Variants in EFCAB5 observed in about 807,000 individuals in gnomAD.
EFCAB5 encodes the protein EF-hand calcium-binding domain-containing protein 5.
Under a neutral mutation model 167.9 loss-of-function variants are expected in EFCAB5, and 131 were observed. The ratio of observed to expected loss-of-function variants is 0.78; its 90% CI spans 0.68 to 0.90. EFCAB5 has a LOEUF of 0.90. EFCAB5 is among the 40% of genes least tolerant of loss of function. The probability of loss-of-function intolerance (pLI) is 0.00; values close to 1 mark genes in which losing one functional copy is unlikely to be tolerated. For synonymous variants in EFCAB5, 574 were observed against 602.8 expected (o/e 0.95, Z 0.70); for missense variants, 1,663 against 1,745.2 (o/e 0.95, Z 0.84).
Position 30,059,551 on chromosome 17 carries a change from C to A in EFCAB5, c.2587C>A (p.Gln863Lys). The A allele has an allele frequency of 6.2e-7, 1 of 1,603,358 alleles. No homozygotes were observed. The highest frequency in any genetic ancestry group is 8.5e-7 in the Non-Finnish European group (1 of 1,174,448). ...TATCCTGTTTGTATCCTAGTTTAGC[C>A]AAAATGCTTTCCAAGTCCGACAGAG... Reference protein sequence around the residue: ...EKMNALEQFSQNAFQVRQRLL... With the variant: ...EKMNALEQFSKNAFQVRQRLL... The change falls in exon 14 of 23, where the codon CAA becomes AAA. Residue 863 changes from glutamine to lysine, a missense_variant. Transcript: ENST00000394835.
chr17:29,973,480 C>CTT (rs35478169), intron 4 of EFCAB5, among the ~76,000 whole-genome samples: 84 of 135,548 alleles, frequency 6.2e-4, no homozygotes, highest in East Asian at 8.3e-4. Flanking sequence ...TTCCTTTTTC[C>CTT]TTTTTTTTTT....
At chr17:29,930,114 G>T in intron 1 of EFCAB5, 1 of 927,450 alleles carries the variant, frequency 1.1e-6, no homozygotes, top group Non-Finnish European at 1.6e-6. Context: ...AAGGGAACGG[G>T]GAGGAGGAGG....
chr17:29,993,381 C>A, intron 5 of EFCAB5, 60 bp downstream of exon 5: 1 of 1,541,172 alleles, frequency 6.5e-7, no homozygotes, highest in Non-Finnish European at 8.8e-7. Flanking sequence ...AGGGCAATTG[C>A]TAGAATACTG....
At chr17:29,993,578 A>G (rs1276602860) in intron 5 of EFCAB5, among the ~76,000 whole-genome samples, 1 of 151,818 alleles carries the variant, frequency 6.6e-6, no homozygotes, top group Non-Finnish European at 1.5e-5. Flanking sequence ...ATAAACCAAC[A>G]TATATTTCAT....
rs867280355 is a variant in EFCAB5 at position 30,053,635 on chromosome 17, A to G, written c.1681A>G (p.Arg561Gly). 1 of 1,613,882 alleles carries G rather than the reference A, an allele frequency of 6.2e-7. No homozygotes were observed. Among genetic ancestry groups the G allele is most frequent in the East Asian group, 2.2e-5 (1 of 44,886 alleles). ...AACTCTAGAACAAGGGTCAAGTAGAAGGTTACTGACAGAACAAGAAACACA... is the reference window on the plus strand; with the variant it reads ...AACTCTAGAACAAGGGTCAAGTAGAGGGTTACTGACAGAACAAGAAACACA... ...ESTLEQGSSRRLLTEQETHRE... is the reference protein window; with the variant it reads ...ESTLEQGSSRGLLTEQETHRE... The change falls in exon 10 of 23, where the codon AGG becomes GGG. Residue 561 changes from arginine to glycine, a missense_variant. Physicochemically the swap from Arg to Gly is moderately radical, Grantham distance 125 (BLOSUM62 -2). Transcript: ENST00000394835.
chr17:30,069,999 G>A (rs1344553452), intron 14 of EFCAB5, among the ~76,000 whole-genome samples: 1 of 152,146 alleles, frequency 6.6e-6, no homozygotes, highest in African/African-American at 2.4e-5. Context: ...GGCACAGCAG[G>A]CCTCCAGAGC....
At chr17:30,089,462 AATG>A (rs1217620565) in intron 19 of EFCAB5, among the ~76,000 whole-genome samples, 1 of 152,170 alleles carries the variant, frequency 6.6e-6, no homozygotes, top group Non-Finnish European at 1.5e-5. Flanking sequence ...ACCTTAAAGA[AATG>A]GCATATCAGA....
intron 22 of EFCAB5, among the ~76,000 whole-genome samples, chr17:30,105,931 C>T (rs571362654): frequency 6.6e-6 from 1 of 152,242 alleles, no homozygotes; most frequent in African/African-American, 2.4e-5. Flanking sequence ...ACGTGCCATT[C>T]CTATCCCATA....
At chr17:30,092,201 C>A in intron 21 of EFCAB5, 44 bp downstream of exon 21, 1 of 1,552,030 alleles carries the variant, frequency 6.4e-7, no homozygotes, top group Non-Finnish European at 8.7e-7. Flanking sequence ...GAAGAATCGC[C>A]TAAACAAATT....
Position 29,968,963 on chromosome 17 carries a change from A to C in EFCAB5, c.363A>C (p.Arg121Ser). 6.3e-7 allele frequency: 1 copy of C among 1,590,650 alleles called. No homozygotes were observed. The highest frequency in any genetic ancestry group is 1.3e-5 in the African/African-American group (1 of 74,474). The change falls in exon 4 of 23, where the codon AGA becomes AGC. Residue 121 changes from arginine to serine, a missense_variant. By Grantham distance (110) the Arg-to-Ser change is moderately radical. Transcript: ENST00000394835. ...EHTWKKNLFE[R>S]MEARAQAMQQ... ...CATGGAAGAAAAACCTTTTTGAAAG[A>C]ATGGAGGCAAGAGCCCAAGCAATGC...
At chr17:29,961,266 G>T (rs2067714711) in intron 3 of EFCAB5, among the ~76,000 whole-genome samples, 1 of 152,104 alleles carries the variant, frequency 6.6e-6, no homozygotes, top group South Asian at 2.1e-4. Context: ...TTTCTTAGGA[G>T]AAATGTCTGT....
Position 30,080,965 on chromosome 17 carries a change from A to G in EFCAB5, c.3410A>G (p.Glu1137Gly). Residue 1137 changes from glutamate to glycine, a missense_variant, in exon 17 of 23, where the codon GAG (glutamate) becomes GGG (glycine). Coordinates refer to ENST00000394835, the MANE Select transcript of EFCAB5 (RefSeq NM_198529.4). The stretch of plus-strand genomic sequence containing the variant: ...GAAATAAACATCTTTCTACCTCATG[A>G]GATCAGATTCTATCAGGTAAGTCAT... ...PHEINIFLPH[E>G]IRFYQGVANV... 1 of 1,612,584 alleles carries G rather than the reference A, an allele frequency of 6.2e-7. No individual in the cohort carries two copies. The highest frequency in any genetic ancestry group is 1.7e-5 in the Admixed American group (1 of 60,018).
Position 30,082,948 on chromosome 17 carries a change from C to G in EFCAB5, c.3484C>G (p.Leu1162Val), listed in dbSNP as rs753498450. ...YHYVHSREHILHIVITGIGWL... is the reference protein window; with the variant it reads ...YHYVHSREHIVHIVITGIGWL... Reference sequence around the variant, plus strand: ...CTACGTCCACAGCCGGGAGCACATTCTGCATATTGTGATCACTGGCATAGG... The same window carrying G: ...CTACGTCCACAGCCGGGAGCACATTGTGCATATTGTGATCACTGGCATAGG... Residue 1162 changes from leucine (L) to valine (V), a missense_variant, in exon 18 of 23, where the codon CTG becomes GTG. Coordinates refer to ENST00000394835, the MANE Select transcript of EFCAB5 (RefSeq NM_198529.4). 1 of 1,613,994 alleles carries G rather than the reference C, an allele frequency of 6.2e-7. No individual in the cohort carries two copies. Among genetic ancestry groups the G allele is most frequent in the East Asian group, 2.2e-5 (1 of 44,886 alleles).
intron 4 of EFCAB5, among the ~76,000 whole-genome samples, chr17:29,977,579 A>G (rs1357597173): frequency 1.3e-5 from 2 of 152,146 alleles, no homozygotes; most frequent in Non-Finnish European, 2.9e-5. Flanking sequence ...TGATAATTGC[A>G]TATTCACTAT....
At chr17:30,076,299 C>T (rs965243352) in intron 14 of EFCAB5, among the ~76,000 whole-genome samples, 4 of 152,194 alleles carry the variant, frequency 2.6e-5, no homozygotes, top group Admixed American at 6.5e-5. Context: ...CTGTACTAAA[C>T]CAACCACTCT....
chr17:30,046,403 A>G (rs557463073), intron 8 of EFCAB5, among the ~76,000 whole-genome samples: 1 of 152,320 alleles, frequency 6.6e-6, no homozygotes, highest in South Asian at 2.1e-4. Flanking sequence ...TAGAGAGGTT[A>G]TAGAAAGTAA....
intron 3 of EFCAB5, among the ~76,000 whole-genome samples, chr17:29,950,842 A>G (rs1000827457): frequency 1.9e-4 from 29 of 152,300 alleles, no homozygotes; most frequent in African/African-American, 6.7e-4. Flanking sequence ...GGGAGTTGAA[A>G]GTTATACATA....
chr17:29,937,173 C>A (rs1292228699), upstream of EFCAB5, among the ~76,000 whole-genome samples: 2 of 152,026 alleles, frequency 1.3e-5, no homozygotes, highest in South Asian at 4.1e-4. Flanking sequence ...TGTGAGGTAG[C>A]TTTCATCACT....
At chr17:30,046,514 GA>G (rs1322813213) in intron 8 of EFCAB5, among the ~76,000 whole-genome samples, 20 of 152,290 alleles carry the variant, frequency 1.3e-4, no homozygotes, top group African/African-American at 4.6e-4. Context: ...GGCAGATACG[GA>G]TGAAAAATCA....
Sources: gnomAD v4.1 joint callset for allele counts (sites outside exome capture counted in the v4.1 genomes callset) on GRCh38, gnomAD v4.1.1 for gene constraint, MANE v1.5 for transcripts, NCBI Gene and HGNC (gene_info 2026-07-23, HGNC 2026-07-21) for gene names.